Variants in LARGE1 observed in about 807,000 individuals in gnomAD.
The protein encoded by LARGE1 is LARGE xylosyl- and glucuronyltransferase 1, also known as xylosyl- and glucuronyltransferase LARGE1.
A neutral mutation model predicts 87.6 loss-of-function variants in LARGE1; 43 were observed. The ratio of observed to expected loss-of-function variants is 0.49; its 90% confidence interval spans 0.38 to 0.63. The LOEUF is 0.63. Among genes scored for constraint, LARGE1 ranks in the 30% least tolerant of loss-of-function variants. LARGE1 has a pLI of 0.00. For missense variants in LARGE1, 802 were observed against 1,000.2 expected (o/e 0.80, Z 2.67); for synonymous variants, 434 against 394.6 (o/e 1.10, Z -1.18).
the LARGE1 span, among the ~76,000 whole-genome samples, chr22:33,138,619 T>G: frequency 7.2e-5 from 11 of 152,140 alleles, no homozygotes; most frequent in Non-Finnish European, 1.3e-4. Context: ...ATTATTTGTA[T>G]TTTTAGTAGA....
intron 2 of LARGE1, among the ~76,000 whole-genome samples, chr22:33,668,747 T>C (rs1234566739): frequency 1.3e-5 from 2 of 152,166 alleles, no homozygotes; most frequent in Non-Finnish European, 2.9e-5. Context: ...TACAGGAAGG[T>C]TGAAAGCAGG....
intron 1 of LARGE1, among the ~76,000 whole-genome samples, chr22:33,773,077 T>C (rs941833673): frequency 2.6e-5 from 4 of 152,098 alleles, no homozygotes; most frequent in Non-Finnish European, 5.9e-5. Context: ...GTGAGGTCAT[T>C]TGCAAAGTTC....
At chr22:33,224,103 G>C (rs980440821) in intron 11 of LARGE1, among the ~76,000 whole-genome samples, 1 of 151,968 alleles carries the variant, frequency 6.6e-6, no homozygotes, top group Non-Finnish European at 1.5e-5. Flanking sequence ...AGCTAATGCA[G>C]TGAAATCCAA....
chr22:33,572,944 G>A (rs909617289), intron 5 of LARGE1, among the ~76,000 whole-genome samples: 1 of 152,144 alleles, frequency 6.6e-6, no homozygotes, highest in African/African-American at 2.4e-5. Context: ...GACTGGGTTT[G>A]AATACTGGCT....
At chr22:33,395,985 AT>A (rs1390747447) in intron 7 of LARGE1, among the ~76,000 whole-genome samples, 1 of 152,204 alleles carries the variant, frequency 6.6e-6, no homozygotes, top group Non-Finnish European at 1.5e-5. Flanking sequence ...CTAATAGGAT[AT>A]TGCTTGTCCC....
chr22:33,659,444 G>T (rs2149221213), intron 2 of LARGE1, among the ~76,000 whole-genome samples: 1 of 152,244 alleles, frequency 6.6e-6, no homozygotes, highest in East Asian at 1.9e-4. Flanking sequence ...CAGGAGAGCT[G>T]AGTCTGCCAA....
intron 1 of LARGE1, among the ~76,000 whole-genome samples, chr22:33,821,952 GTT>G (rs11425081): frequency 7.3e-5 from 10 of 137,702 alleles, no homozygotes; most frequent in Non-Finnish European, 7.8e-5. Context: ...ACTTTTTTAG[GTT>G]TTTTTTTTTT....
Position 33,304,452 on chromosome 22 carries a change from G to A in LARGE1, c.1507C>T (p.Leu503Phe), listed in dbSNP as rs1419772786. 2 of 1,613,250 alleles carry A rather than the reference G, an allele frequency of 1.2e-6. No individual in the cohort carries two copies. Among genetic ancestry groups the A allele is most frequent in the South Asian group, 1.1e-5 (1 of 91,040 alleles). The change falls in exon 12 of 15, where the codon CTC becomes TTC. Residue 503 changes from leucine (L) to phenylalanine (F), a missense_variant. This residue lies in a region of LARGE1 where 625 missense variants were observed against 841.9 expected (regional missense o/e 0.74). Coordinates refer to ENST00000397394, the MANE Select transcript of LARGE1 (RefSeq NM_133642.5). ...TGGGCCTCGGCGTCTGACAGGTAGA[G>A]GGCCAGGCTGATGGGCCCCTCCCAG... ...KHWEGPISLA[L>F]YLSDAEAQQF...
At chr22:33,476,106 A>G (rs915378184) in intron 6 of LARGE1, among the ~76,000 whole-genome samples, 3 of 152,252 alleles carry the variant, frequency 2.0e-5, no homozygotes, top group East Asian at 1.9e-4. Context: ...GTGAAACTCA[A>G]TATCTTTATT....
chr22:33,712,218 G>C (rs1231040983), intron 2 of LARGE1, among the ~76,000 whole-genome samples: 1 of 150,552 alleles, frequency 6.6e-6, no homozygotes, highest in Non-Finnish European at 1.5e-5. Context: ...GGGGATGGGG[G>C]AAAAAAAAAG....
chr22:33,298,787 C>T (rs948535343), intron 12 of LARGE1, among the ~76,000 whole-genome samples: 2 of 151,884 alleles, frequency 1.3e-5, no homozygotes, highest in Admixed American at 6.6e-5. Flanking sequence ...GCTATGATTG[C>T]ACCACTGCAC....
At chr22:33,230,308 C>T (rs557721524) in intron 11 of LARGE1, among the ~76,000 whole-genome samples, 32 of 152,036 alleles carry the variant, frequency 2.1e-4, no homozygotes, top group African/African-American at 7.7e-4. Context: ...GTGTGAGCCA[C>T]CATGCCTGGC....
intron 2 of LARGE1, among the ~76,000 whole-genome samples, chr22:33,722,157 G>A (rs542664940): frequency 6.6e-6 from 1 of 152,106 alleles, no homozygotes; most frequent in Non-Finnish European, 1.5e-5. Context: ...GGACTCTGAG[G>A]CAGGAGAATC....
In LARGE1 at chr22:33,650,468, A is replaced by G; in HGVS notation, c.307T>C (p.Ser103Pro). The change falls in exon 3 of 15, where the codon TCC (serine) becomes CCC (proline). Residue 103 changes from serine to proline, a missense_variant. Transcript: ENST00000397394. ...HRRGNHSKTYSMEEGTGDSEN... is the reference protein window; with the variant it reads ...HRRGNHSKTYPMEEGTGDSEN... Reference sequence around the variant, plus strand: ...CTGTCTCCAGTGCCCTCCTCCATGGAGTAGGTCTTGGAGTGGTTGCCTCGG... The same window carrying G: ...CTGTCTCCAGTGCCCTCCTCCATGGGGTAGGTCTTGGAGTGGTTGCCTCGG... 1 of 1,613,908 alleles carries G rather than the reference A, an allele frequency of 6.2e-7. No homozygotes were observed.
intron 3 of LARGE1, among the ~76,000 whole-genome samples, chr22:33,631,215 G>A (rs936418184): frequency 1.4e-4 from 21 of 151,856 alleles, no homozygotes; most frequent in East Asian, 5.8e-4. Context: ...AGAGTACAGC[G>A]GTTATTCACA....
chr22:33,766,931 T>C (rs1353701361), intron 1 of LARGE1, among the ~76,000 whole-genome samples: 417 of 15,232 alleles, frequency 0.027, 11 homozygotes, highest in African/African-American at 0.1. Context: ...TATATATATA[T>C]ATATATATAT....
At chr22:33,871,021 T>C (rs2064263296) in intron 1 of LARGE1, among the ~76,000 whole-genome samples, 1 of 152,214 alleles carries the variant, frequency 6.6e-6, no homozygotes, top group Non-Finnish European at 1.5e-5. Flanking sequence ...TGATCTAGAA[T>C]TGAACTCAGA....
At position 33,588,534 on chromosome 22, in the gene LARGE1, T is replaced by TGCGC. The variant is rs1491580920; in HGVS notation, c.615+15897_615+15900dup. On this transcript the variant is annotated intron_variant, in intron 5 of 14. Coordinates refer to ENST00000397394, the MANE Select transcript of LARGE1 (RefSeq NM_133642.5). The stretch of plus-strand genomic sequence containing the variant: ...GCGTGTGTGTGTGTGTGTGTGTGTG[T>TGCGC]GCGCACGCACGCATATAAAACTTAA... 2.1e-5 allele frequency among the ~76,000 whole-genome samples: 3 copies of TGCGC among 145,800 alleles called. No individual in the cohort carries two copies. In the South Asian group the frequency reaches 6.5e-4, roughly 32 times the overall value.
chr22:33,300,914 A>T (rs1283132409), intron 12 of LARGE1, among the ~76,000 whole-genome samples: 1 of 152,098 alleles, frequency 6.6e-6, no homozygotes, highest in African/African-American at 2.4e-5. Flanking sequence ...GGGTTCAAGC[A>T]ATTCTCCCAC....
Sources: allele counts gnomAD v4.1 joint callset (sites outside exome capture counted in the v4.1 genomes callset), GRCh38; gene constraint gnomAD v4.1.1; regional missense constraint gnomAD v4.1.1; transcripts MANE v1.5; gene names NCBI Gene and HGNC (gene_info 2026-07-23, HGNC 2026-07-21).